Variants in SORCS3 observed in about 807,000 individuals in gnomAD.
SORCS3 encodes VPS10 domain-containing receptor SorCS3.
Under a neutral mutation model 146.3 loss-of-function variants are expected in SORCS3, and 57 were observed. The observed-to-expected ratio is 0.39, with a 90% CI of 0.31 to 0.49. SORCS3 has a LOEUF of 0.49. Among genes scored for constraint, SORCS3 ranks in the 20% least tolerant of loss-of-function variants. SORCS3 has a pLI of 0.92. For synonymous variants in SORCS3, 653 were observed against 618.5 expected (o/e 1.06, Z -0.83); for missense variants, 1,341 against 1,575.5 (o/e 0.85, Z 2.52).
intron 4 of SORCS3, among the ~76,000 whole-genome samples, chr10:105,034,149 C>T (rs532246123): frequency 3.3e-5 from 5 of 152,018 alleles, no homozygotes; most frequent in African/African-American, 9.6e-5. Flanking sequence ...AACGGAGAGC[C>T]GTGAGAGCAG....
intron 5 of SORCS3, among the ~76,000 whole-genome samples, chr10:105,073,498 T>C (rs1346886023): frequency 2.0e-5 from 3 of 152,158 alleles, no homozygotes; most frequent in Non-Finnish European, 4.4e-5. Flanking sequence ...GAAGATCTTT[T>C]TATTTATTCC....
intron 14 of SORCS3, among the ~76,000 whole-genome samples, chr10:105,179,187 C>A (rs1186781165): frequency 6.6e-6 from 1 of 152,130 alleles, no homozygotes; most frequent in African/African-American, 2.4e-5. Context: ...GAACTCATTG[C>A]ATCTTCTTTT....
intron 3 of SORCS3, among the ~76,000 whole-genome samples, chr10:104,928,616 G>A (rs2019174835): frequency 6.6e-6 from 1 of 151,966 alleles, no homozygotes; most frequent in South Asian, 2.1e-4. Flanking sequence ...ACCAGCCCAA[G>A]GTCAGAATGA....
intron 5 of SORCS3, among the ~76,000 whole-genome samples, chr10:105,076,288 A>G (rs983063776): frequency 3.9e-5 from 6 of 152,200 alleles, no homozygotes; most frequent in Admixed American, 1.3e-4. Flanking sequence ...GAAGAGACGA[A>G]CTTTTGTCTA....
chr10:105,204,931 T>C (rs1002762167), intron 16 of SORCS3, among the ~76,000 whole-genome samples: 1 of 152,228 alleles, frequency 6.6e-6, no homozygotes, highest in African/African-American at 2.4e-5. Flanking sequence ...TGCTGGTCTT[T>C]AATGCTAATG....
intron 4 of SORCS3, among the ~76,000 whole-genome samples, chr10:105,019,512 C>T (rs1428641993): frequency 6.6e-6 from 1 of 152,192 alleles, no homozygotes; most frequent in African/African-American, 2.4e-5. Context: ...CTCTGCAACT[C>T]ACTTGCTAAT....
chr10:105,204,026 C>G (rs2056588129), intron 16 of SORCS3, among the ~76,000 whole-genome samples: 1 of 152,038 alleles, frequency 6.6e-6, no homozygotes, highest in African/African-American at 2.4e-5. Flanking sequence ...ATTTCTGAAC[C>G]CTTCTTTAGG....
At chr10:104,796,881 G>A (rs931870302) in intron 1 of SORCS3, among the ~76,000 whole-genome samples, 2 of 152,196 alleles carry the variant, frequency 1.3e-5, no homozygotes, top group African/African-American at 4.8e-5. Context: ...ACACACTCCA[G>A]ACTATTTACT....
chr10:104,684,932 C>T (rs553881729), intron 1 of SORCS3, among the ~76,000 whole-genome samples: 1 of 151,408 alleles, frequency 6.6e-6, no homozygotes, highest in Admixed American at 6.6e-5. Flanking sequence ...ATTCTCCTGC[C>T]TCAGCCTCCT....
intron 2 of SORCS3, among the ~76,000 whole-genome samples, chr10:104,906,506 AACAG>A (rs1290800487): frequency 3.3e-5 from 5 of 152,198 alleles, no homozygotes; most frequent in African/African-American, 1.2e-4. Context: ...GTTGCCCAAC[AACAG>A]ACAGTGAAGT....
At chr10:104,992,045 G>A (rs2054997866) in intron 4 of SORCS3, among the ~76,000 whole-genome samples, 1 of 152,180 alleles carries the variant, frequency 6.6e-6, no homozygotes, top group Non-Finnish European at 1.5e-5. Flanking sequence ...CCTGTGTGAG[G>A]GGGACAGTAG....
At chr10:104,759,123 A>C (rs941755397) in intron 1 of SORCS3, among the ~76,000 whole-genome samples, 21 of 152,204 alleles carry the variant, frequency 1.4e-4, no homozygotes, top group African/African-American at 4.6e-4. Flanking sequence ...GGACACAGAC[A>C]CATATAGGGA....
In SORCS3 at chr10:104,735,456, GTTT is replaced by G. The variant is rs56203751; in HGVS notation, c.627+93521_627+93523del. 7.7e-4 allele frequency among the ~76,000 whole-genome samples: 27 copies of G among 35,006 alleles called. 2 individuals are homozygous for G. Among genetic ancestry groups the G allele is most frequent in the Admixed American group, 4.1e-3 (11 of 2,688 alleles). 23.0% of individuals were successfully genotyped at this position (35,006 alleles called of 152,430 possible). ...CGGTATTCATGAGCTCTCACCGTCT[GTTT>G]TTTTTTTTTTTTTTTTTTAATCAAT... On this transcript the variant is annotated intron_variant, in intron 1 of 26. Coordinates refer to ENST00000369701, the MANE Select transcript of SORCS3 (RefSeq NM_014978.3).
In SORCS3 at chr10:104,641,552, G is replaced by A; in HGVS notation, c.225G>A (p.Ala75=). Residue 75 remains alanine (A), a synonymous_variant, in exon 1 of 27, where the codon GCG becomes GCA. Transcript: ENST00000369701. This position sits in a 1 kb window ranked among gnomAD's most constrained non-coding sequence, Gnocchi z 6.4. ...ASQWPEELAS[A]RRAAVLGRRA... is the part of the protein sequence containing the mutation. ...AGTGGCCGGAGGAGCTGGCGTCGGCGCGGAGAGCCGCCGTGCTGGGGCGCC... is the reference window on the plus strand; with the variant it reads ...AGTGGCCGGAGGAGCTGGCGTCGGCACGGAGAGCCGCCGTGCTGGGGCGCC... 7 of 1,469,146 alleles carry A rather than the reference G, an allele frequency of 4.8e-6. No individual in the cohort carries two copies. The highest frequency in any genetic ancestry group is 5.4e-6 in the Non-Finnish European group (6 of 1,120,300). 91.0% of individuals were successfully genotyped at this position (1,469,146 alleles called of 1,614,324 possible).
In SORCS3 at chr10:105,163,565, A is replaced by T. The variant is rs565070381; in HGVS notation, c.1733-738A>T. 2.0e-5 allele frequency among the ~76,000 whole-genome samples: 3 copies of T among 152,254 alleles called. No individual in the cohort carries two copies. In the South Asian group the frequency reaches 6.2e-4, roughly 32 times the overall value. ...CATTGGGAAAACGAAATCAATATAG[A>T]TGGACTAGAAAAGCTTGACCACTTT... On this transcript the variant is annotated intron_variant, in intron 11 of 26. Coordinates refer to ENST00000369701, the MANE Select transcript of SORCS3 (RefSeq NM_014978.3).
intron 1 of SORCS3, among the ~76,000 whole-genome samples, chr10:104,731,538 G>C (rs1210028965): frequency 6.6e-6 from 1 of 152,090 alleles, no homozygotes; most frequent in Non-Finnish European, 1.5e-5. Flanking sequence ...AACTTTCTTG[G>C]GAGGCTCAGT....
At position 104,858,816 on chromosome 10, in the gene SORCS3, T is replaced by A. The variant is rs1186339484; in HGVS notation, c.695+15957T>A. Among the ~76,000 whole-genome samples the A allele has an allele frequency of 3.3e-5, 5 of 150,096 alleles. No homozygotes were observed. The South Asian group carries it at 6.3e-4, about 19-fold the overall frequency. On this transcript the variant is annotated intron_variant, in intron 2 of 26. Transcript: ENST00000369701. Reference sequence around the variant, plus strand: ...TTTTGTGTTTTTAGTAGAGACGGGGTTTTTCCATGTTAGCCAGGATGGTCT... The same window carrying A: ...TTTTGTGTTTTTAGTAGAGACGGGGATTTTCCATGTTAGCCAGGATGGTCT...
intron 2 of SORCS3, 59 bp downstream of exon 2, chr10:104,842,918 A>C: frequency 1.5e-6 from 2 of 1,349,670 alleles, no homozygotes; most frequent in South Asian, 2.3e-5. Flanking sequence ...GAGAAACGCA[A>C]GCTAAGCAGT....
chr10:104,722,632 A>G (rs574193686), intron 1 of SORCS3, among the ~76,000 whole-genome samples: 70 of 152,238 alleles, frequency 4.6e-4, no homozygotes, highest in Admixed American at 2.4e-3. Context: ...TTGGTAAGCT[A>G]TTAATTATTG....
Sources: allele counts gnomAD v4.1 joint callset (sites outside exome capture counted in the v4.1 genomes callset), GRCh38; gene constraint gnomAD v4.1.1; non-coding constraint Gnocchi (gnomAD v3.1); transcripts MANE v1.5; gene names NCBI Gene and HGNC (gene_info 2026-07-23, HGNC 2026-07-21).